AGBL4: variants seen among roughly 807,000 people sequenced by gnomAD.
The protein encoded by AGBL4 is cytosolic carboxypeptidase 6.
Under a neutral mutation model 66.4 loss-of-function variants are expected in AGBL4, and 58 were observed. The observed-to-expected ratio is 0.87, with a 90% CI of 0.71 to 1.09. The LOEUF (loss-of-function observed/expected upper bound fraction) is 1.09. AGBL4 is among the 50% of genes least tolerant of loss of function. The pLI is 0.00. For synonymous variants in AGBL4, 234 were observed against 222.9 expected (o/e 1.05, Z -0.44); for missense variants, 579 against 631.0 (o/e 0.92, Z 0.88).
chr1:49,870,420 T>C (rs1571755948), intron 1 of AGBL4, among the ~76,000 whole-genome samples: 1 of 151,996 alleles, frequency 6.6e-6, no homozygotes, highest in Non-Finnish European at 1.5e-5. Context: ...TTGTACATTT[T>C]TAAATAACTA....
At chr1:49,997,983 G>T (rs955591534) in intron 1 of AGBL4, among the ~76,000 whole-genome samples, 2 of 151,674 alleles carry the variant, frequency 1.3e-5, no homozygotes, top group Non-Finnish European at 3.0e-5. Context: ...AAATCAAGAT[G>T]GAAATGAAGT....
At chr1:49,876,853 C>T (rs1216686227) in intron 1 of AGBL4, among the ~76,000 whole-genome samples, 3 of 149,800 alleles carry the variant, frequency 2.0e-5, no homozygotes, top group Non-Finnish European at 4.4e-5. Context: ...GTTTGTAGTT[C>T]TCCTTGAAGA....
intron 3 of AGBL4, among the ~76,000 whole-genome samples, chr1:49,517,263 C>T (rs895099171): frequency 4.6e-5 from 7 of 151,166 alleles, no homozygotes; most frequent in Non-Finnish European, 8.8e-5. Flanking sequence ...TAAAGGAAAA[C>T]ATACTCCAAG....
rs529813404 is a variant in AGBL4 at position 49,825,562 on chromosome 1, G to A, written c.157+25834C>T. 5.3e-5 allele frequency among the ~76,000 whole-genome samples: 8 copies of A among 152,224 alleles called. No individual in the cohort carries two copies. The South Asian group carries it at 1.0e-3, about 20-fold the overall frequency. On this transcript the variant is annotated intron_variant, in intron 2 of 13. Transcript: ENST00000371839. The stretch of plus-strand genomic sequence containing the variant: ...AAATATGTGATCAAATCTTTACTCC[G>A]GATGTCTCTGTGATGGTGTTTTTGG...
chr1:49,217,769 T>C (rs1282717906), intron 4 of AGBL4, among the ~76,000 whole-genome samples: 1 of 152,164 alleles, frequency 6.6e-6, no homozygotes, highest in Non-Finnish European at 1.5e-5. Context: ...TTTCTGAAAC[T>C]TTCTGCTTTA....
At chr1:49,312,286 G>T in intron 3 of AGBL4, among the ~76,000 whole-genome samples, 1 of 152,004 alleles carries the variant, frequency 6.6e-6, no homozygotes, top group East Asian at 1.9e-4. Flanking sequence ...CACAACATTT[G>T]TCCCCTCTGG....
intron 3 of AGBL4, among the ~76,000 whole-genome samples, chr1:49,629,949 T>G (rs1645539051): frequency 6.6e-6 from 1 of 152,100 alleles, no homozygotes; most frequent in Non-Finnish European, 1.5e-5. Flanking sequence ...GCACCCTTAT[T>G]TGCATCCATC....
At chr1:49,745,488 T>C (rs1650914560) in intron 2 of AGBL4, among the ~76,000 whole-genome samples, 1 of 152,012 alleles carries the variant, frequency 6.6e-6, no homozygotes, top group Admixed American at 6.6e-5. Flanking sequence ...ACATAGTATA[T>C]ATAGTGTTCA....
At chr1:49,079,194 G>A (rs1481556219) in intron 4 of AGBL4, among the ~76,000 whole-genome samples, 1 of 152,140 alleles carries the variant, frequency 6.6e-6, no homozygotes, top group African/African-American at 2.4e-5. Context: ...ATGTGAATAA[G>A]AATACATTTG....
rs745671047 is a variant in AGBL4 at position 48,912,144 on chromosome 1, C to T, written c.595-44914G>A. ...GGAACAATCATAATAAAACCATGGT[C>T]TAGTTCTCGCTATCATGTTTAGTGG... is the stretch of plus-strand genomic sequence containing the variant. On this transcript the variant is annotated intron_variant, in intron 5 of 13. Transcript: ENST00000371839. 1.1e-4 allele frequency among the ~76,000 whole-genome samples: 17 copies of T among 152,260 alleles called. 1 individual carries two copies. Among genetic ancestry groups the T allele is most frequent in the South Asian group, 4.2e-4 (2 of 4,818 alleles).
chr1:49,401,661 T>G (rs538376284), intron 3 of AGBL4, among the ~76,000 whole-genome samples: 10 of 152,294 alleles, frequency 6.6e-5, no homozygotes, highest in South Asian at 2.1e-4. Flanking sequence ...GATGTATCCT[T>G]GTCTGGTTTT....
intron 1 of AGBL4, among the ~76,000 whole-genome samples, chr1:49,948,059 T>TATAC (rs1557608152): frequency 3.3e-4 from 30 of 91,950 alleles, no homozygotes; most frequent in Non-Finnish European, 4.2e-4. Flanking sequence ...TAAATATATA[T>TATAC]ATGTAAATAT....
downstream of AGBL4, among the ~76,000 whole-genome samples, chr1:48,529,966 G>A (rs543144636): frequency 1.3e-5 from 2 of 151,970 alleles, no homozygotes; most frequent in African/African-American, 4.8e-5. Context: ...GTGCTAAAAA[G>A]TCCTGAAATC....
chr1:49,072,133 G>A (rs1018267216), intron 4 of AGBL4, among the ~76,000 whole-genome samples: 2 of 152,128 alleles, frequency 1.3e-5, no homozygotes, highest in South Asian at 2.1e-4. Flanking sequence ...GAGCCTGTGT[G>A]TGTCTTTGCA....
chr1:48,769,570 C>CACACACACACACACA (rs34256470), intron 6 of AGBL4, among the ~76,000 whole-genome samples: 1 of 142,384 alleles, frequency 7.0e-6, no homozygotes, highest in African/African-American at 2.9e-5. Context: ...CACACACACA[C>CACACACACACACACA]AAGTTAAATT....
chr1:49,229,040 T>C (rs533374325), intron 4 of AGBL4, among the ~76,000 whole-genome samples: 3 of 152,320 alleles, frequency 2.0e-5, no homozygotes, highest in African/African-American at 7.2e-5. Context: ...TGCTGTCTCA[T>C]GCCTTTGCAA....
At chr1:49,415,641 A>G (rs1481328413) in intron 3 of AGBL4, among the ~76,000 whole-genome samples, 1 of 152,152 alleles carries the variant, frequency 6.6e-6, no homozygotes, top group Non-Finnish European at 1.5e-5. Flanking sequence ...CTTTATCCTT[A>G]AAGCAAAGGA....
intron 4 of AGBL4, among the ~76,000 whole-genome samples, chr1:49,082,593 T>C (rs1035981326): frequency 1.3e-5 from 2 of 152,150 alleles, no homozygotes; most frequent in African/African-American, 2.4e-5. Context: ...GATTCAATTA[T>C]CTCCACCTGG....
chr1:49,413,689 G>T (rs1645365778), intron 3 of AGBL4, among the ~76,000 whole-genome samples: 1 of 152,164 alleles, frequency 6.6e-6, no homozygotes. Context: ...TCATCGCTGG[G>T]CTTATCTGCA....
Sources: allele counts gnomAD v4.1 joint callset (sites outside exome capture counted in the v4.1 genomes callset), GRCh38; gene constraint gnomAD v4.1.1; transcripts MANE v1.5; gene names NCBI Gene and HGNC (gene_info 2026-07-23, HGNC 2026-07-21).